Variants in ZCCHC7 observed in about 807,000 individuals in gnomAD.
ZCCHC7 encodes the protein zinc finger CCHC-type containing 7, also known as zinc finger CCHC domain-containing protein 7.
A neutral mutation model predicts 52.0 loss-of-function variants in ZCCHC7; 35 were observed. The observed-to-expected ratio is 0.67, with a 90% CI of 0.51 to 0.89. The LOEUF (loss-of-function observed/expected upper bound fraction) is 0.89, where lower values mean the gene tolerates loss of function less well. Among genes scored for constraint, ZCCHC7 ranks in the 40% least tolerant of loss-of-function variants. ZCCHC7 has a pLI of 0.00. For missense variants in ZCCHC7, 574 were observed against 649.1 expected (o/e 0.88, Z 1.26); for synonymous variants, 217 against 221.5 (o/e 0.98, Z 0.18).
intron 2 of ZCCHC7, among the ~76,000 whole-genome samples, chr9:37,196,368 G>A (rs1175985281): frequency 6.6e-6 from 1 of 152,098 alleles, no homozygotes; most frequent in South Asian, 2.1e-4. Flanking sequence ...CAATAATTTT[G>A]TCTAGTTAAT....
chr9:37,184,438 G>C (rs1399474687), intron 2 of ZCCHC7, among the ~76,000 whole-genome samples: 1 of 150,998 alleles, frequency 6.6e-6, no homozygotes, highest in Non-Finnish European at 1.5e-5. Flanking sequence ...CCAGAGCTGG[G>C]AGAGCAAGAG....
At chr9:37,342,634 G>A (rs1029385301) in intron 6 of ZCCHC7, among the ~76,000 whole-genome samples, 8 of 152,190 alleles carry the variant, frequency 5.3e-5, no homozygotes, top group African/African-American at 1.7e-4. Context: ...AGAGCGTGTT[G>A]TCTGGGAAGC....
intron 1 of ZCCHC7, among the ~76,000 whole-genome samples, chr9:37,122,373 CATTTGCATGATATTTT>C (rs1235412222): frequency 6.6e-6 from 1 of 152,154 alleles, no homozygotes; most frequent in Non-Finnish European, 1.5e-5. Context: ...AGATAAGTTT[CATTTGCATGATATTTT>C]AAGATGTTAT....
intron 2 of ZCCHC7, among the ~76,000 whole-genome samples, chr9:37,179,529 T>G (rs1010955452): frequency 2.0e-5 from 3 of 152,234 alleles, no homozygotes; most frequent in African/African-American, 7.2e-5. Flanking sequence ...GTGGAAGAGA[T>G]GATTTTTGCC....
rs1440711307 is a variant in ZCCHC7, at chr9:37,321,284, G to A, written c.952-6515G>A. Among the ~76,000 whole-genome samples, 8 of 151,930 alleles carry A rather than the reference G, an allele frequency of 5.3e-5. No individual in the cohort carries two copies. In the South Asian group the frequency reaches 1.0e-3, roughly 20 times the overall value. ...ATTACAGGCATGAGCCACCACTCCC[G>A]GCCACCTTTTTTTCTTTTTCCTTTT... On this transcript the variant is annotated intron_variant, in intron 5 of 8. Transcript: ENST00000336755.
intron 2 of ZCCHC7, among the ~76,000 whole-genome samples, chr9:37,136,480 C>T (rs898501488): frequency 1.3e-5 from 2 of 150,282 alleles, no homozygotes; most frequent in African/African-American, 2.4e-5. Flanking sequence ...CAATCTCTCT[C>T]TCTCTGTCTT....
intron 5 of ZCCHC7, among the ~76,000 whole-genome samples, chr9:37,318,208 C>T (rs1026901710): frequency 1.1e-4 from 17 of 151,714 alleles, no homozygotes; most frequent in Non-Finnish European, 1.9e-4. Flanking sequence ...TCAGCCGTTT[C>T]GAAAATGATA....
At chr9:37,286,605 C>T (rs1348784963) in intron 2 of ZCCHC7, among the ~76,000 whole-genome samples, 3 of 151,546 alleles carry the variant, frequency 2.0e-5, no homozygotes, top group African/African-American at 7.3e-5. Flanking sequence ...GCCAAGATCA[C>T]ACCACTACAC....
intron 2 of ZCCHC7, among the ~76,000 whole-genome samples, chr9:37,181,648 G>A (rs1203226307): frequency 6.6e-6 from 1 of 152,182 alleles, no homozygotes; most frequent in African/African-American, 2.4e-5. Flanking sequence ...CCATTTACGT[G>A]AAATGTCCAA....
At chr9:37,350,384 G>A (rs1307431303) in intron 7 of ZCCHC7, among the ~76,000 whole-genome samples, 6 of 152,074 alleles carry the variant, frequency 3.9e-5, no homozygotes, top group Admixed American at 2.0e-4. Flanking sequence ...CACCCGCCTC[G>A]GCCTCCAAAA....
chr9:37,164,027 CTG>C (rs1821265642), intron 2 of ZCCHC7, among the ~76,000 whole-genome samples: 1 of 151,854 alleles, frequency 6.6e-6, no homozygotes, highest in African/African-American at 2.4e-5. Context: ...ATACTATACT[CTG>C]TTGATTCTGT....
chr9:37,279,505 C>G (rs182910221), intron 2 of ZCCHC7, among the ~76,000 whole-genome samples: 2 of 151,498 alleles, frequency 1.3e-5, no homozygotes, highest in Admixed American at 1.3e-4. Flanking sequence ...CTCCAAAGGA[C>G]GAAAGGACGG....
At chr9:37,332,079 T>C (rs754214070) in intron 6 of ZCCHC7, among the ~76,000 whole-genome samples, 4 of 151,656 alleles carry the variant, frequency 2.6e-5, no homozygotes, top group Admixed American at 2.6e-4. Context: ...GTATAAATTA[T>C]AGTTTTTTTC....
At chr9:37,120,526 G>C, upstream of ZCCHC7, 1 of 399,128 alleles carries the variant, frequency 2.5e-6, no homozygotes, top group East Asian at 3.6e-5. Context: ...TCCCGGGTCT[G>C]CGCGGACGCG....
chr9:37,165,318 GT>G (rs1005885910), intron 2 of ZCCHC7, among the ~76,000 whole-genome samples: 26 of 146,688 alleles, frequency 1.8e-4, no homozygotes, highest in Middle Eastern at 3.5e-3. Context: ...TGACTTTTTT[GT>G]TTTTTTTTTC....
chr9:37,196,301 T>C (rs546949919), intron 2 of ZCCHC7, among the ~76,000 whole-genome samples: 13 of 152,358 alleles, frequency 8.5e-5, no homozygotes, highest in African/African-American at 2.9e-4. Flanking sequence ...AGCTGTTTAT[T>C]ATAGTGAAAC....
intron 2 of ZCCHC7, among the ~76,000 whole-genome samples, chr9:37,206,458 C>T (rs1823921920): frequency 6.6e-6 from 1 of 151,936 alleles, no homozygotes; most frequent in Non-Finnish European, 1.5e-5. Context: ...CTCAAGCAAT[C>T]CTCCCACCTC....
intron 2 of ZCCHC7, among the ~76,000 whole-genome samples, chr9:37,169,747 T>G (rs1297861419): frequency 6.6e-6 from 1 of 152,210 alleles, no homozygotes; most frequent in Non-Finnish European, 1.5e-5. Context: ...TCATTGATTT[T>G]AATTATTGCT....
At chr9:37,346,450 C>T (rs1298021364) in intron 6 of ZCCHC7, among the ~76,000 whole-genome samples, 1 of 152,152 alleles carries the variant, frequency 6.6e-6, no homozygotes, top group Non-Finnish European at 1.5e-5. Context: ...CGAAGGCAAG[C>T]AATTCACCTG....
Sources: gnomAD v4.1 joint callset for allele counts (sites outside exome capture counted in the v4.1 genomes callset) on GRCh38, gnomAD v4.1.1 for gene constraint, MANE v1.5 for transcripts, NCBI Gene and HGNC (gene_info 2026-07-23, HGNC 2026-07-21) for gene names.